PCDHGB1: variants seen among roughly 807,000 people sequenced by gnomAD.
PCDHGB1 encodes the protein protocadherin gamma-B1.
A neutral mutation model predicts 56.6 loss-of-function variants in PCDHGB1; 34 were observed. That is an observed-to-expected ratio of 0.60 (90% CI 0.46 to 0.80). The LOEUF is 0.80. PCDHGB1 is among the 30% of genes least tolerant of loss of function. The pLI is 0.00. For synonymous variants in PCDHGB1, 561 were observed against 505.9 expected, an observed-to-expected ratio of 1.11 and a Z score of -1.46; for missense variants, 1,278 against 1,204.6, an observed-to-expected ratio of 1.06 and a Z score of -0.90.
rs1452697214 is a variant in PCDHGB1, at chr5:141,476,552, G to A, written c.2410-18255G>A. ...CCAGGAAATGAAATTGGAGATTAGCGAGGCCGTGGCTCCGGGGACGCGCTT... is the reference window on the plus strand; with the variant it reads ...CCAGGAAATGAAATTGGAGATTAGCAAGGCCGTGGCTCCGGGGACGCGCTT... On this transcript the variant is annotated intron_variant, in intron 1 of 3. Transcript: ENST00000523390. The surrounding 1 kb of genome is among the most constrained non-coding windows in gnomAD (Gnocchi z 7.6). 1 of 1,614,210 alleles carries A rather than the reference G, an allele frequency of 6.2e-7. No homozygotes were observed. Among genetic ancestry groups the A allele is most frequent in the Non-Finnish European group, 8.5e-7 (1 of 1,180,032 alleles).
chr5:141,404,651 C>T, intron 1 of PCDHGB1: 2 of 1,614,184 alleles, frequency 1.2e-6, no homozygotes, highest in Non-Finnish European at 1.7e-6. Flanking sequence ...GTACCCTGCC[C>T]TCCCCACTGA....
intron 1 of PCDHGB1, chr5:141,414,659 T>A (rs566999623): frequency 6.2e-7 from 1 of 1,614,010 alleles, no homozygotes; most frequent in South Asian, 1.1e-5. Flanking sequence ...ATTTACTCCC[T>A]GGCTGAAGAC....
intron 1 of PCDHGB1, chr5:141,384,575 C>T (rs754018989): frequency 8.7e-6 from 14 of 1,614,258 alleles, no homozygotes; most frequent in South Asian, 2.2e-5. Flanking sequence ...AATGACAACC[C>T]GCCCGAGATC....
chr5:141,375,335 TACA>T, intron 1 of PCDHGB1: 1 of 1,613,812 alleles, frequency 6.2e-7, no homozygotes, highest in Non-Finnish European at 8.5e-7. Flanking sequence ...GGTATTCTTG[TACA>T]ACATCACTGT....
intron 1 of PCDHGB1, chr5:141,361,642 T>C: frequency 6.2e-7 from 1 of 1,613,838 alleles, no homozygotes; most frequent in Non-Finnish European, 8.5e-7. Flanking sequence ...GGAGATTTTA[T>C]CCTACGTGTC....
intron 1 of PCDHGB1, among the ~76,000 whole-genome samples, chr5:141,380,096 T>C (rs1180401530): frequency 3.3e-5 from 5 of 151,838 alleles, no homozygotes; most frequent in Non-Finnish European, 5.9e-5. Flanking sequence ...GATGGGGTTT[T>C]ACCATGATGG....
At chr5:141,389,172 C>G (rs1276294939) in intron 1 of PCDHGB1, 1 of 1,614,036 alleles carries the variant, frequency 6.2e-7, no homozygotes, top group Non-Finnish European at 8.5e-7. Flanking sequence ...CAAGCCTCCC[C>G]TCTCCTCCAG....
chr5:141,380,233 G>A (rs1035611474), intron 1 of PCDHGB1, among the ~76,000 whole-genome samples: 49 of 152,114 alleles, frequency 3.2e-4, no homozygotes, highest in Non-Finnish European at 7.1e-4. Context: ...GGCTTCTGTT[G>A]AGGTGGCAAT....
chr5:141,496,192 C>T (rs942276204), intron 2 of PCDHGB1, among the ~76,000 whole-genome samples: 1 of 152,098 alleles, frequency 6.6e-6, no homozygotes, highest in Non-Finnish European at 1.5e-5. Flanking sequence ...CCCAGCTGCT[C>T]ATTTCAATCT....
chr5:141,398,367 G>A, intron 1 of PCDHGB1: 1 of 1,430,476 alleles, frequency 7.0e-7, no homozygotes, highest in Non-Finnish European at 9.7e-7. Context: ...TGAGCGCAGA[G>A]AGCGGGGAGT....
At position 141,468,868 on chromosome 5, in the gene PCDHGB1, A is replaced by AAAT. The variant is rs993655754; in HGVS notation, c.2410-25921_2410-25919dup. Among the ~76,000 whole-genome samples, 30 of 151,912 alleles carry AAAT rather than the reference A, an allele frequency of 2.0e-4. No homozygotes were observed. The East Asian group carries it at 4.3e-3, about 22-fold the overall frequency. On this transcript the variant is annotated intron_variant, in intron 1 of 3. Coordinates refer to ENST00000523390, the MANE Select transcript of PCDHGB1 (RefSeq NM_018922.3). ...GCAACAGAGCGAGACTCCATCTCAAAAATAATAATAATAATAATAAGGTAC... is the reference window on the plus strand; with the variant it reads ...GCAACAGAGCGAGACTCCATCTCAAAAATAATAATAATAATAATAATAAGGTAC...
At chr5:141,355,397 T>A in intron 1 of PCDHGB1, 2 of 1,614,048 alleles carry the variant, frequency 1.2e-6, no homozygotes, top group African/African-American at 1.3e-5. Context: ...GGAGTCCGCA[T>A]CGTCTCCAGA....
At chr5:141,356,669 C>T in intron 1 of PCDHGB1, 1 of 1,614,006 alleles carries the variant, frequency 6.2e-7, no homozygotes. Flanking sequence ...ATCACTTACT[C>T]CCTGGCCGAA....
At chr5:141,372,662 T>C in intron 1 of PCDHGB1, 1 of 1,614,056 alleles carries the variant, frequency 6.2e-7, no homozygotes, top group Non-Finnish European at 8.5e-7. Context: ...ATCCGTGTGC[T>C]GCCTCACATT....
rs749121255 is a variant in PCDHGB1 at position 141,415,427 on chromosome 5, G to A, written c.2409+62758G>A. 3.1e-6 allele frequency: 5 copies of A among 1,614,050 alleles called. No homozygotes were observed. Among genetic ancestry groups the A allele is most frequent in the African/African-American group, 1.3e-5 (1 of 74,926 alleles). ...CACTTTGTGGGCGTGGACGGGGTTC[G>A]GGCTTTCCTGCAGACCTATTCCCAC... is the stretch of plus-strand genomic sequence containing the variant. On this transcript the variant is annotated intron_variant, in intron 1 of 3. Transcript: ENST00000523390.
intron 1 of PCDHGB1, chr5:141,377,929 C>T: frequency 6.6e-6 from 1 of 152,184 alleles, no homozygotes; most frequent in East Asian, 1.9e-4. Flanking sequence ...CCACCTGTAA[C>T]TGCTGCTTAT....
At chr5:141,396,683 T>G (rs1445621329) in intron 1 of PCDHGB1, 1 of 152,136 alleles carries the variant, frequency 6.6e-6, no homozygotes, top group Non-Finnish European at 1.5e-5. Context: ...ATTGTATTCC[T>G]GCATACCTTC....
chr5:141,377,582 T>A (rs1774132578), intron 1 of PCDHGB1: 1 of 150,722 alleles, frequency 6.6e-6, no homozygotes. Flanking sequence ...GGAGACAGAA[T>A]GAGACTTTTT....
chr5:141,389,314 C>T (rs2091698838), intron 1 of PCDHGB1: 2 of 1,613,880 alleles, frequency 1.2e-6, no homozygotes, highest in Non-Finnish European at 8.5e-7. Context: ...GCTTCTGATC[C>T]GGACTTGGGG....
Sources: gnomAD v4.1 joint callset for allele counts (sites outside exome capture counted in the v4.1 genomes callset) on GRCh38, gnomAD v4.1.1 for gene constraint, Gnocchi (gnomAD v3.1) non-coding constraint, MANE v1.5 for transcripts, NCBI Gene and HGNC (gene_info 2026-07-23, HGNC 2026-07-21) for gene names.